NCOA1: variants seen among roughly 807,000 people sequenced by gnomAD.
NCOA1 encodes Hin-2 protein.
In NCOA1, 35 loss-of-function variants were observed where a neutral mutation model predicts 150.9. The observed-to-expected ratio is 0.23, with a 90% CI of 0.18 to 0.31. The LOEUF (loss-of-function observed/expected upper bound fraction) is 0.31. NCOA1 is among the 10% of genes least tolerant of loss of function. NCOA1 has a pLI of 1.00. For missense variants in NCOA1, 1,491 were observed against 1,749.3 expected (o/e 0.85, Z 2.63); for synonymous variants, 590 against 630.0 (o/e 0.94, Z 0.95).
intron 6 of NCOA1, among the ~76,000 whole-genome samples, chr2:24,666,966 C>T (rs753884156): frequency 6.6e-6 from 1 of 152,142 alleles, no homozygotes; most frequent in Non-Finnish European, 1.5e-5. Context: ...ATCCCACAAG[C>T]TGGCCCCATG....
intron 3 of NCOA1, among the ~76,000 whole-genome samples, chr2:24,591,854 C>T (rs763089467): frequency 1.3e-5 from 2 of 151,972 alleles, no homozygotes; most frequent in Non-Finnish European, 2.9e-5. Flanking sequence ...TCTATGTATC[C>T]ATTACCCACC....
At chr2:24,554,598 T>C (rs1665993384) in intron 1 of NCOA1, 1 of 152,228 alleles carries the variant, frequency 6.6e-6, no homozygotes, top group African/African-American at 2.4e-5. Context: ...CTTTGACTAA[T>C]ACCAGGGGGT....
chr2:24,636,622 C>T (rs544510305), intron 3 of NCOA1, among the ~76,000 whole-genome samples: 2 of 152,024 alleles, frequency 1.3e-5, no homozygotes, highest in Non-Finnish European at 2.9e-5. Flanking sequence ...TTTTGCCCTA[C>T]GTAGGAACTC....
At chr2:24,502,072 C>T (rs113530146) in intron 1 of NCOA1, among the ~76,000 whole-genome samples, 1,879 of 152,274 alleles carry the variant, frequency 0.012, 36 homozygotes, top group African/African-American at 0.043. Flanking sequence ...GCCCTCCATC[C>T]CTTGGCTGCT....
chr2:24,717,014 G>C (rs1166515542), intron 14 of NCOA1, among the ~76,000 whole-genome samples: 5 of 152,172 alleles, frequency 3.3e-5, no homozygotes, highest in Non-Finnish European at 1.5e-5. Flanking sequence ...GATCTGAACA[G>C]ACACCTCACC....
In NCOA1 at chr2:24,691,477, T is replaced by C; in HGVS notation, c.533-4T>C. ...CAAGCACATAATCAATTTTTCTTCC[T>C]CAGTAAATGGAGTTCCTTGGCCTCA... On this transcript the variant is annotated splice_region_variant and splice_polypyrimidine_tract_variant and intron_variant, in intron 8 of 22. Coordinates refer to ENST00000348332, the MANE Select transcript of NCOA1 (RefSeq NM_003743.5). 1 of 1,611,346 alleles carries C rather than the reference T, an allele frequency of 6.2e-7. No homozygotes were observed. Among genetic ancestry groups the C allele is most frequent in the Non-Finnish European group, 8.5e-7 (1 of 1,178,876 alleles).
chr2:24,656,473 T>G (rs1256619221), intron 4 of NCOA1, among the ~76,000 whole-genome samples: 1 of 152,112 alleles, frequency 6.6e-6, no homozygotes, highest in African/African-American at 2.4e-5. Context: ...TTCTTCGCAT[T>G]GGGAACATTC....
chr2:24,609,126 G>T (rs1048450598), intron 3 of NCOA1, among the ~76,000 whole-genome samples: 2 of 152,192 alleles, frequency 1.3e-5, no homozygotes, highest in African/African-American at 4.8e-5. Context: ...CCTTCAAGGG[G>T]TGAGGACATG....
At chr2:24,763,409 G>C (rs1664882857) in intron 22 of NCOA1, among the ~76,000 whole-genome samples, 1 of 151,100 alleles carries the variant, frequency 6.6e-6, no homozygotes, top group African/African-American at 2.4e-5. Context: ...TGAGGTGGCG[G>C]GTGCCTGTAG....
chr2:24,567,219 G>A (rs771993948), intron 2 of NCOA1, among the ~76,000 whole-genome samples: 8 of 152,202 alleles, frequency 5.3e-5, no homozygotes, highest in Non-Finnish European at 1.0e-4. Context: ...TTGATGATAA[G>A]TTTTAAAACG....
intron 1 of NCOA1, among the ~76,000 whole-genome samples, chr2:24,498,241 C>T (rs1663307019): frequency 6.6e-6 from 1 of 152,200 alleles, no homozygotes; most frequent in South Asian, 2.1e-4. Flanking sequence ...TAAGTAGCTA[C>T]TCAATCATTC....
chr2:24,678,528 C>G (rs1672022519), intron 7 of NCOA1, among the ~76,000 whole-genome samples: 1 of 152,182 alleles, frequency 6.6e-6, no homozygotes, highest in South Asian at 2.1e-4. Flanking sequence ...ATTCCTTTTT[C>G]TCTGCAACCT....
chr2:24,589,227 A>G (rs1667543160), intron 3 of NCOA1, among the ~76,000 whole-genome samples: 1 of 152,066 alleles, frequency 6.6e-6, no homozygotes, highest in Non-Finnish European at 1.5e-5. Flanking sequence ...TACTACCAGA[A>G]CTATCGTTTG....
chr2:24,748,476 G>A (rs932066264), intron 19 of NCOA1, among the ~76,000 whole-genome samples: 3 of 151,898 alleles, frequency 2.0e-5, no homozygotes, highest in Admixed American at 2.0e-4. Flanking sequence ...TGGGTGTGGT[G>A]GTATGAGCCT....
At chr2:24,720,270 A>G (rs1335670420) in intron 14 of NCOA1, among the ~76,000 whole-genome samples, 1 of 152,254 alleles carries the variant, frequency 6.6e-6, no homozygotes, top group Non-Finnish European at 1.5e-5. Flanking sequence ...GGGGTGAGGC[A>G]AGAAACTGCT....
chr2:24,624,871 T>A (rs1335099075), intron 3 of NCOA1, among the ~76,000 whole-genome samples: 4 of 152,112 alleles, frequency 2.6e-5, no homozygotes. Flanking sequence ...AAAGAGTATG[T>A]GTAGAGAAGG....
chr2:24,734,458 G>A (rs1187921314), intron 17 of NCOA1, among the ~76,000 whole-genome samples: 1 of 152,020 alleles, frequency 6.6e-6, no homozygotes, highest in East Asian at 1.9e-4. Flanking sequence ...TAAAATGAGG[G>A]TATACTTGCT....
At chr2:24,636,010 C>A (rs369788201) in intron 3 of NCOA1, among the ~76,000 whole-genome samples, 2 of 152,052 alleles carry the variant, frequency 1.3e-5, no homozygotes, top group Admixed American at 6.5e-5. Context: ...TTGGGGAAAT[C>A]ATCATGATTT....
At chr2:24,733,024 A>G (rs1252335680) in intron 17 of NCOA1, among the ~76,000 whole-genome samples, 1 of 152,134 alleles carries the variant, frequency 6.6e-6, no homozygotes, top group African/African-American at 2.4e-5. Flanking sequence ...GTTCGCAAAG[A>G]CTGACTGAGA....
Sources: gnomAD v4.1 joint callset for allele counts (sites outside exome capture counted in the v4.1 genomes callset) on GRCh38, gnomAD v4.1.1 for gene constraint, MANE v1.5 for transcripts, NCBI Gene and HGNC (gene_info 2026-07-23, HGNC 2026-07-21) for gene names.